The following CNTNAP2 variants were observed in gnomAD, a reference collection of about 807,000 sequenced individuals.
CNTNAP2 encodes contactin associated protein 2, also known as contactin-associated protein-like 2.
CNTNAP2 carries 98 observed loss-of-function variants against 155.2 expected under a neutral mutation model. The ratio of observed to expected loss-of-function variants is 0.63; its 90% CI spans 0.54 to 0.75. The LOEUF (loss-of-function observed/expected upper bound fraction) is 0.75, where lower values mean the gene tolerates loss of function less well. Ranked by LOEUF, CNTNAP2 falls within the 30% of genes least tolerant of loss-of-function variation. CNTNAP2 has a pLI of 0.00. For synonymous variants in CNTNAP2, 651 were observed against 631.2 expected (o/e 1.03, Z -0.47); for missense variants, 1,727 against 1,688.1 (o/e 1.02, Z -0.40).
At chr7:148,336,399 CAG>C (rs1441670605) in intron 21 of CNTNAP2, among the ~76,000 whole-genome samples, 1 of 151,332 alleles carries the variant, frequency 6.6e-6, no homozygotes, top group African/African-American at 2.4e-5. Flanking sequence ...ATATGCTTCT[CAG>C]AGTCATCTTT....
chr7:147,643,227 T>C (rs1795313434), intron 13 of CNTNAP2, among the ~76,000 whole-genome samples: 1 of 152,304 alleles, frequency 6.6e-6, no homozygotes, highest in South Asian at 2.1e-4. Flanking sequence ...GTCTGACCCA[T>C]TGAAATAAAA....
At chr7:147,069,134 C>A (rs538546879) in intron 4 of CNTNAP2, among the ~76,000 whole-genome samples, 19 of 152,256 alleles carry the variant, frequency 1.2e-4, no homozygotes, top group African/African-American at 4.6e-4. Flanking sequence ...CGGGGAAGGG[C>A]ACAGAGCCAT....
intron 3 of CNTNAP2, among the ~76,000 whole-genome samples, chr7:146,937,786 G>C (rs541740260): frequency 1.3e-5 from 2 of 152,298 alleles, no homozygotes; most frequent in Admixed American, 1.3e-4. Context: ...AGTTTAATAA[G>C]AGTTTATTCA....
chr7:147,113,116 G>T (rs989059859), intron 5 of CNTNAP2, among the ~76,000 whole-genome samples: 5 of 152,010 alleles, frequency 3.3e-5, no homozygotes, highest in African/African-American at 1.2e-4. Context: ...TCAGTCTTGG[G>T]AGGGTGCATG....
At chr7:148,347,416 C>T (rs1798346587) in intron 21 of CNTNAP2, among the ~76,000 whole-genome samples, 1 of 152,140 alleles carries the variant, frequency 6.6e-6, no homozygotes, top group Non-Finnish European at 1.5e-5. Context: ...CACCCAAGAC[C>T]ATACAACAAG....
rs116188771 is a variant in CNTNAP2, at chr7:146,984,946, C to T, written c.403-58961C>T. 9.9e-3 allele frequency among the ~76,000 whole-genome samples: 1,509 copies of T among 152,252 alleles called. 21 individuals are homozygous for T. The highest frequency in any genetic ancestry group is 0.034 in the African/African-American group (1,424 of 41,552). On this transcript the variant is annotated intron_variant, in intron 3 of 23. Coordinates refer to ENST00000361727, the MANE Select transcript of CNTNAP2 (RefSeq NM_014141.6). ...GAATTTGCATTTGACAGTTTGAATT[C>T]ATGTGTTTCAGCATCTGAGTGAAAT...
chr7:147,404,533 C>A (rs957343288), intron 10 of CNTNAP2, among the ~76,000 whole-genome samples: 5 of 152,180 alleles, frequency 3.3e-5, no homozygotes, highest in African/African-American at 1.2e-4. Context: ...AATCGCTATG[C>A]TCTATCTTAG....
At chr7:147,592,478 GTTTT>G (rs34713058) in intron 12 of CNTNAP2, among the ~76,000 whole-genome samples, 1 of 143,912 alleles carries the variant, frequency 6.9e-6, no homozygotes, top group African/African-American at 2.5e-5. Context: ...GTTGTTTCTG[GTTTT>G]TTTTTTTTGC....
chr7:146,581,883 A>G (rs1020176493), intron 1 of CNTNAP2, among the ~76,000 whole-genome samples: 7 of 151,914 alleles, frequency 4.6e-5, no homozygotes, highest in Non-Finnish European at 1.0e-4. Flanking sequence ...TTTTTTTCTT[A>G]TTGCCCAAAA....
intron 15 of CNTNAP2, among the ~76,000 whole-genome samples, chr7:148,020,684 A>G (rs1802264645): frequency 6.6e-6 from 1 of 152,242 alleles, no homozygotes; most frequent in African/African-American, 2.4e-5. Context: ...TATATTTATG[A>G]TCTGCCTTAA....
At chr7:146,226,554 G>A (rs905670998) in intron 1 of CNTNAP2, among the ~76,000 whole-genome samples, 3 of 152,102 alleles carry the variant, frequency 2.0e-5, no homozygotes, top group African/African-American at 7.2e-5. Flanking sequence ...AGGTACTCTG[G>A]AGGCTGAGGT....
intron 22 of CNTNAP2, among the ~76,000 whole-genome samples, chr7:148,403,455 TG>T (rs1193431178): frequency 2.0e-5 from 3 of 152,196 alleles, no homozygotes; most frequent in Non-Finnish European, 4.4e-5. Flanking sequence ...TGTGCTTATT[TG>T]ATGAAAGACT....
At chr7:147,471,371 T>G (rs1015746367) in intron 10 of CNTNAP2, among the ~76,000 whole-genome samples, 1 of 152,202 alleles carries the variant, frequency 6.6e-6, no homozygotes, top group African/African-American at 2.4e-5. Flanking sequence ...TTCCAGAAAG[T>G]GAGAATCTTA....
intron 5 of CNTNAP2, among the ~76,000 whole-genome samples, chr7:147,112,421 G>A (rs970276323): frequency 7.9e-5 from 12 of 152,156 alleles, no homozygotes; most frequent in Non-Finnish European, 1.8e-4. Context: ...AATAGTCACG[G>A]TGAGAGAAGG....
intron 1 of CNTNAP2, among the ~76,000 whole-genome samples, chr7:146,756,104 A>G (rs1274934018): frequency 6.6e-6 from 1 of 151,920 alleles, no homozygotes; most frequent in East Asian, 1.9e-4. Context: ...AAAAAATAAT[A>G]TTTTGATCTA....
intron 8 of CNTNAP2, among the ~76,000 whole-genome samples, chr7:147,190,413 T>C (rs1802658445): frequency 6.6e-6 from 1 of 152,216 alleles, no homozygotes; most frequent in South Asian, 2.1e-4. Flanking sequence ...TTTAGCCTTC[T>C]TGTGTTACTG....
intron 3 of CNTNAP2, among the ~76,000 whole-genome samples, chr7:146,850,652 A>T (rs1794862545): frequency 6.6e-6 from 1 of 152,140 alleles, no homozygotes; most frequent in Admixed American, 6.5e-5. Context: ...TGGGTAATGG[A>T]TGTGTTAACT....
intron 4 of CNTNAP2, among the ~76,000 whole-genome samples, chr7:147,056,080 C>T (rs1339057064): frequency 6.6e-6 from 1 of 152,032 alleles, no homozygotes; most frequent in Non-Finnish European, 1.5e-5. Context: ...TTAATATCAC[C>T]GTATAGGTTG....
chr7:148,130,450 A>G (rs920973106), intron 16 of CNTNAP2, among the ~76,000 whole-genome samples: 1 of 151,514 alleles, frequency 6.6e-6, no homozygotes, highest in Non-Finnish European at 1.5e-5. Context: ...TCATAATTTG[A>G]CTCCCTCACT....
Sources: allele counts gnomAD v4.1 joint callset (sites outside exome capture counted in the v4.1 genomes callset), GRCh38; gene constraint gnomAD v4.1.1; transcripts MANE v1.5; gene names NCBI Gene and HGNC (gene_info 2026-07-23, HGNC 2026-07-21).